GMDS: variants seen among roughly 807,000 people sequenced by gnomAD.
The protein encoded by GMDS is GDP-mannose 4,6-dehydratase, also known as GDP-mannose 4,6 dehydratase.
GMDS carries 20 observed loss-of-function variants against 49.9 expected under a neutral mutation model. That is an observed-to-expected ratio of 0.40 (90% CI 0.28 to 0.58). The LOEUF (loss-of-function observed/expected upper bound fraction) is 0.58, where lower values mean the gene tolerates loss of function less well. Among genes scored for constraint, GMDS ranks in the 20% least tolerant of loss-of-function variants. GMDS has a pLI of 0.42. For synonymous variants in GMDS, 177 were observed against 178.6 expected (o/e 0.99, Z 0.07); for missense variants, 362 against 481.4 (o/e 0.75, Z 2.32).
intron 4 of GMDS, among the ~76,000 whole-genome samples, chr6:1,976,514 C>G (rs1764911460): frequency 6.6e-6 from 1 of 152,164 alleles, no homozygotes; most frequent in Non-Finnish European, 1.5e-5. Flanking sequence ...GACAGTATTT[C>G]CAAAAGGCTT....
intron 9 of GMDS, among the ~76,000 whole-genome samples, chr6:1,632,042 G>A (rs1356603332): frequency 1.3e-5 from 2 of 152,154 alleles, no homozygotes; most frequent in South Asian, 4.1e-4. Context: ...ATGGTCACCT[G>A]GCATTCCTTC....
chr6:2,224,268 G>A (rs771130366), intron 1 of GMDS, among the ~76,000 whole-genome samples: 11 of 152,178 alleles, frequency 7.2e-5, no homozygotes, highest in Non-Finnish European at 1.2e-4. Context: ...CTGACAGCCC[G>A]TTGTGGAACC....
chr6:2,238,746 C>T (rs925011628), intron 1 of GMDS, among the ~76,000 whole-genome samples: 3 of 152,122 alleles, frequency 2.0e-5, no homozygotes, highest in East Asian at 3.9e-4. Context: ...GAATTTAAAA[C>T]TCCTTCCTCT....
At chr6:2,023,936 T>A (rs954979701) in intron 4 of GMDS, among the ~76,000 whole-genome samples, 2 of 152,100 alleles carry the variant, frequency 1.3e-5, no homozygotes, top group Non-Finnish European at 2.9e-5. Context: ...TGGTTGAGAA[T>A]TTTCAATAAT....
chr6:1,810,223 A>G (rs1423649019), intron 7 of GMDS, among the ~76,000 whole-genome samples: 3 of 152,204 alleles, frequency 2.0e-5, no homozygotes, highest in African/African-American at 7.2e-5. Context: ...GGCACACCAG[A>G]GGGAGGGAAC....
chr6:1,685,484 G>T (rs1464726881), intron 9 of GMDS, among the ~76,000 whole-genome samples: 1 of 151,200 alleles, frequency 6.6e-6, no homozygotes, highest in Non-Finnish European at 1.5e-5. Flanking sequence ...TTTAGTAAGG[G>T]TTTTTTTTTA....
At chr6:1,740,863 CTTAA>C (rs1191357799) in intron 8 of GMDS, among the ~76,000 whole-genome samples, 1 of 152,062 alleles carries the variant, frequency 6.6e-6, no homozygotes, top group African/African-American at 2.4e-5. Flanking sequence ...TTATTTTTGC[CTTAA>C]TTTTCTATAA....
chr6:2,024,361 A>T (rs1027396286), intron 4 of GMDS, among the ~76,000 whole-genome samples: 1 of 152,200 alleles, frequency 6.6e-6, no homozygotes, highest in Admixed American at 6.5e-5. Context: ...CAGAAATAAC[A>T]GTGAGTAAAG....
At chr6:1,797,471 A>G (rs1769786269) in intron 7 of GMDS, among the ~76,000 whole-genome samples, 1 of 152,188 alleles carries the variant, frequency 6.6e-6, no homozygotes, top group Admixed American at 6.5e-5. Context: ...CCTCTCAAGT[A>G]AGTGTTTTGT....
chr6:2,100,438 ATTT>A (rs1773855779), intron 4 of GMDS, among the ~76,000 whole-genome samples: 1 of 152,060 alleles, frequency 6.6e-6, no homozygotes, highest in African/African-American at 2.4e-5. Flanking sequence ...AACAATTAAT[ATTT>A]TTATCATTAC....
intron 9 of GMDS, among the ~76,000 whole-genome samples, chr6:1,686,073 G>A (rs1250386243): frequency 6.6e-6 from 1 of 152,128 alleles, no homozygotes; most frequent in Non-Finnish European, 1.5e-5. Flanking sequence ...TTTTGGCCGT[G>A]GGTCTGGTTA....
intron 8 of GMDS, among the ~76,000 whole-genome samples, chr6:1,729,507 A>G (rs545107156): frequency 1.1e-3 from 167 of 152,366 alleles, no homozygotes; most frequent in African/African-American, 3.9e-3. Context: ...GGCAAAAACC[A>G]CTTTCTAATT....
intron 4 of GMDS, among the ~76,000 whole-genome samples, chr6:2,113,463 TCTC>T (rs1774667505): frequency 6.6e-6 from 1 of 150,726 alleles, no homozygotes; most frequent in South Asian, 2.1e-4. Context: ...ACCTCACACT[TCTC>T]CTCATACTGG....
At position 1,778,580 on chromosome 6, in the gene GMDS, C is replaced by T. The variant is rs543309318; in HGVS notation, c.772-35994G>A. Among the ~76,000 whole-genome samples the T allele has an allele frequency of 1.4e-4, 22 of 152,150 alleles. No homozygotes were observed. The highest frequency in any genetic ancestry group is 2.8e-4 in the Non-Finnish European group (19 of 68,026). ...CATGCCATAAAACAGAAATTTAGCC[C>T]AATGTCTCGAACTGCAGGATTAGAG... On this transcript the variant is annotated intron_variant, in intron 7 of 10. Coordinates refer to ENST00000380815, the MANE Select transcript of GMDS (RefSeq NM_001500.4). The surrounding 1 kb of genome is among the most constrained non-coding windows in gnomAD (Gnocchi z 4.6).
chr6:1,854,186 T>C (rs1757840807), intron 7 of GMDS, among the ~76,000 whole-genome samples: 2 of 152,382 alleles, frequency 1.3e-5, no homozygotes, highest in Non-Finnish European at 1.5e-5. Flanking sequence ...CGTATTTTAA[T>C]GTGCACCAAT....
intron 7 of GMDS, among the ~76,000 whole-genome samples, chr6:1,812,215 G>C (rs917967067): frequency 1.3e-5 from 2 of 152,164 alleles, no homozygotes; most frequent in Non-Finnish European, 2.9e-5. Context: ...AAGCCAGGGA[G>C]AGGCTGTGTA....
intron 7 of GMDS, among the ~76,000 whole-genome samples, chr6:1,890,820 G>A (rs1759834527): frequency 6.6e-6 from 1 of 152,056 alleles, no homozygotes; most frequent in African/African-American, 2.4e-5. Flanking sequence ...AATTTAGCAG[G>A]GTGGATTAAG....
intron 4 of GMDS, among the ~76,000 whole-genome samples, chr6:2,079,045 T>TTTTTTTTTTTTTTTTTA (rs1772515483): frequency 3.7e-5 from 5 of 133,848 alleles, no homozygotes; most frequent in Admixed American, 7.4e-5. Context: ...TTTTTTTTTT[T>TTTTTTTTTTTTTTTTTA]ACTGTGTTTG....
At chr6:2,063,745 G>C (rs1356915198) in intron 4 of GMDS, among the ~76,000 whole-genome samples, 1 of 152,146 alleles carries the variant, frequency 6.6e-6, no homozygotes, top group Non-Finnish European at 1.5e-5. Context: ...GGTCTCGGCA[G>C]CCCTAAATAA....
Sources: gnomAD v4.1 joint callset for allele counts (sites outside exome capture counted in the v4.1 genomes callset) on GRCh38, gnomAD v4.1.1 for gene constraint, Gnocchi (gnomAD v3.1) non-coding constraint, MANE v1.5 for transcripts, NCBI Gene and HGNC (gene_info 2026-07-23, HGNC 2026-07-21) for gene names.